CIITA: variants seen among roughly 807,000 people sequenced by gnomAD.
CIITA encodes MHC class II transactivator.
A neutral mutation model predicts 115.1 loss-of-function variants in CIITA; 72 were observed. That is an observed-to-expected ratio of 0.63 (90% CI 0.52 to 0.76). The LOEUF (loss-of-function observed/expected upper bound fraction) is 0.76, where lower values mean the gene tolerates loss of function less well. Ranked by LOEUF, CIITA falls within the 30% of genes least tolerant of loss-of-function variation. The pLI is 0.00. For missense variants in CIITA, 1,617 were observed against 1,463.8 expected (o/e 1.10, Z -1.71); for synonymous variants, 763 against 635.6 (o/e 1.20, Z -3.02).
intron 13 of CIITA, among the ~76,000 whole-genome samples, chr16:10,911,442 CT>C (rs1482571726): frequency 6.9e-6 from 1 of 145,962 alleles, no homozygotes; most frequent in African/African-American, 2.5e-5. Context: ...TTCTTTCCTT[CT>C]TTTCTTTCTT....
At chr16:10,868,565 A>T in intron 1 of CIITA, among the ~76,000 whole-genome samples, 1 of 151,976 alleles carries the variant, frequency 6.6e-6, no homozygotes, top group East Asian at 1.9e-4. Context: ...CCACCCAAAC[A>T]TTCTCCCTTG....
In CIITA at chr16:10,924,481, C is replaced by T. The variant is rs540145307; in HGVS notation, c.*626C>T. On this transcript the variant is annotated 3_prime_UTR_variant, in exon 20 of 20. Transcript: ENST00000324288. ...CTCTTGACCTCAGGTGATCCACCCA[C>T]CTCAGCCTCCCAAAGTGCTGGGATT... 2 of 152,384 alleles carry T rather than the reference C, an allele frequency of 1.3e-5. No individual in the cohort carries two copies. The highest frequency in any genetic ancestry group is 2.9e-5 in the Non-Finnish European group (2 of 68,182). 9.4% of individuals were successfully genotyped at this position (152,384 alleles called of 1,614,324 possible). A position where few individuals can be genotyped will look rare whatever the true frequency, so the allele number is the denominator to read the frequency against.
chr16:10,866,613 T>A, intron 1 of CIITA: 2 of 456,728 alleles, frequency 4.4e-6, no homozygotes, highest in Middle Eastern at 6.5e-4. Context: ...AATGACAGAC[T>A]GTAGACAGCT....
chr16:10,902,677 G>A lies in CIITA; in HGVS notation c.648G>A (p.Ser216=), dbSNP rs374843831. Residue 216 remains serine (S), a synonymous_variant, in exon 8 of 20, where the codon TCG becomes TCA. Transcript: ENST00000324288. ...TTGCAGTGCCTTTCTCCAGTTCCTC[G>A]TTGAGCTGCCTGAATCTCCCTGAGG... is the stretch of plus-strand genomic sequence containing the variant. ...DQIPMPFSSS[S]LSCLNLPEGP... 2.4e-5 allele frequency: 39 copies of A among 1,614,058 alleles called. No homozygotes were observed. In the African/African-American group the frequency reaches 3.3e-4, roughly 14 times the overall value.
intron 10 of CIITA, among the ~76,000 whole-genome samples, chr16:10,905,325 G>T (rs1459304729): frequency 6.6e-6 from 1 of 152,202 alleles, no homozygotes; most frequent in Non-Finnish European, 1.5e-5. Context: ...GCTCAGAATT[G>T]CTCCAGCAAG....
chr16:10,941,566 T>G lies in CIITA; in HGVS notation n.692T>G. On this transcript the variant is annotated non_coding_transcript_exon_variant, in exon 2 of 2. Transcript: ENST00000573379. The surrounding 1 kb of genome is among the most constrained non-coding windows in gnomAD (Gnocchi z 6.4). ...CCTCATCCTGTTCAGAGAGGGCACTTACAGGCCTCGGAGGCAGGGGAGGGT... is the reference window on the plus strand; with the variant it reads ...CCTCATCCTGTTCAGAGAGGGCACTGACAGGCCTCGGAGGCAGGGGAGGGT... The G allele has an allele frequency of 6.9e-7, 1 of 1,449,208 alleles. No homozygotes were observed. Among genetic ancestry groups the G allele is most frequent in the Non-Finnish European group, 9.1e-7 (1 of 1,099,502 alleles). The allele number at this position is 1,449,208 out of a possible 1,614,324, so 89.8% of individuals were successfully genotyped here. A position where few individuals can be genotyped will look rare whatever the true frequency, so the allele number is the denominator to read the frequency against.
downstream of CIITA, chr16:10,941,247 G>A (rs549353157): frequency 9.6e-4 from 151 of 157,734 alleles, 1 homozygote; most frequent in African/African-American, 3.4e-3. This position sits in a 1 kb window ranked among gnomAD's most constrained non-coding sequence, Gnocchi z 6.4. Flanking sequence ...ACTGGAGGAG[G>A]AGCTGACAGC....
Position 10,924,726 on chromosome 16 carries a change from C to G in CIITA, c.*871C>G, listed in dbSNP as rs1413856249. On this transcript the variant is annotated 3_prime_UTR_variant, in exon 20 of 20. Transcript: ENST00000324288. Reference sequence around the variant, plus strand: ...TTGTTGGCCAAAGCCAAAGCTAGGCCTGGCCAGATGCACCAGCCCTTAGCA... The same window carrying G: ...TTGTTGGCCAAAGCCAAAGCTAGGCGTGGCCAGATGCACCAGCCCTTAGCA... 2.6e-5 allele frequency: 4 copies of G among 152,392 alleles called. No homozygotes were observed. The East Asian group carries it at 7.7e-4, about 29-fold the overall frequency. 9.4% of individuals were successfully genotyped at this position (152,392 alleles called of 1,614,324 possible).
chr16:10,908,955 C>A, intron 11 of CIITA, 74 bp from the exon 12 acceptor site: 1 of 1,605,260 alleles, frequency 6.2e-7, no homozygotes, highest in Non-Finnish European at 8.5e-7. Flanking sequence ...GGTAGGAGGA[C>A]CCTTCATGGA....
chr16:10,902,651 C>G lies in CIITA; in HGVS notation c.629-7C>G. 6.2e-7 allele frequency: 1 copy of G among 1,614,252 alleles called. No homozygotes were observed. The highest frequency in any genetic ancestry group is 1.3e-5 in the African/African-American group (1 of 75,062). ...AGATCCCACCTCACTGCCTTTGTCT[C>G]TTGCAGTGCCTTTCTCCAGTTCCTC... is the stretch of plus-strand genomic sequence containing the variant. On this transcript the variant is annotated splice_polypyrimidine_tract_variant and splice_region_variant and intron_variant, in intron 7 of 19. Transcript: ENST00000324288.
intron 1 of CIITA, among the ~76,000 whole-genome samples, chr16:10,891,707 G>A (rs548259818): frequency 2.0e-5 from 3 of 152,326 alleles, no homozygotes; most frequent in South Asian, 2.1e-4. Context: ...ACTGCTCTGA[G>A]AGAACAGATT....
chr16:10,903,926 T>A, intron 9 of CIITA, 31 bp downstream of exon 9: 4 of 1,613,974 alleles, frequency 2.5e-6, no homozygotes, highest in Non-Finnish European at 3.4e-6. Context: ...TGAGAGGTAC[T>A]AGAAGCAGGA....
At chr16:10,900,046 A>G (rs778154913) in intron 5 of CIITA, among the ~76,000 whole-genome samples, 5 of 152,034 alleles carry the variant, frequency 3.3e-5, no homozygotes, top group Non-Finnish European at 5.9e-5. Context: ...ACGCCACTGC[A>G]CTCCAGCCTG....
At chr16:10,878,356 T>C (rs2036047765) in intron 1 of CIITA, among the ~76,000 whole-genome samples, 1 of 152,030 alleles carries the variant, frequency 6.6e-6, no homozygotes, top group Non-Finnish European at 1.5e-5. Flanking sequence ...GATGAGGAAA[T>C]TCAGGCCTGA....
rs191984268 is a variant in CIITA, at chr16:10,929,936, C to G, written c.*6081C>G. On this transcript the variant is annotated 3_prime_UTR_variant, in exon 20 of 20. Transcript: ENST00000324288. The surrounding 1 kb of genome is among the most constrained non-coding windows in gnomAD (Gnocchi z 4.3). ...TGCAGCTCTGGGCCAGCTGAGCCAGCGCTGGGTAGTGGGCAGGGCTTGGCA... is the reference window on the plus strand; with the variant it reads ...TGCAGCTCTGGGCCAGCTGAGCCAGGGCTGGGTAGTGGGCAGGGCTTGGCA... 5 of 152,256 alleles carry G rather than the reference C, an allele frequency of 3.3e-5. No individual in the cohort carries two copies. The highest frequency in any genetic ancestry group is 4.8e-5 in the African/African-American group (2 of 41,416). The allele number at this position is 152,256 out of a possible 1,614,324, so 9.4% of individuals were successfully genotyped here.
At position 10,907,743 on chromosome 16, in the gene CIITA, C is replaced by T; in HGVS notation, c.2251C>T (p.Leu751=). ...GAAGAAGAGGCCCTATGACAACTGG[C>T]TGGAGGGCGTGCCACGCTTTCTGGC... ...PRKKRPYDNW[L]EGVPRFLAGL... Residue 751 remains leucine, a synonymous_variant, in exon 11 of 20, where the codon CTG becomes TTG. Transcript: ENST00000324288. This position sits in a 1 kb window ranked among gnomAD's most constrained non-coding sequence, Gnocchi z 5.0. 1 of 1,614,242 alleles carries T rather than the reference C, an allele frequency of 6.2e-7. No individual in the cohort carries two copies. The highest frequency in any genetic ancestry group is 2.2e-5 in the East Asian group (1 of 44,886).
rs985901088 is a variant in CIITA at position 10,879,655 on chromosome 16, G to A, written c.52+2273G>A. Among the ~76,000 whole-genome samples the A allele has an allele frequency of 4.6e-5, 7 of 152,132 alleles. No individual in the cohort carries two copies. Among genetic ancestry groups the A allele is most frequent in the Non-Finnish European group, 1.0e-4 (7 of 68,008 alleles). On this transcript the variant is annotated intron_variant, in intron 1 of 19. Transcript: ENST00000324288. This position sits in a 1 kb window ranked among gnomAD's most constrained non-coding sequence, Gnocchi z 4.3. ...GGAGGGGTGGGGGAGGGATCCCCCC[G>A]GACTGAACCGATCTCTTGATCTCTC...
chr16:10,888,131 G>A (rs143689444), intron 1 of CIITA, among the ~76,000 whole-genome samples: 3 of 152,280 alleles, frequency 2.0e-5, no homozygotes, highest in Non-Finnish European at 4.4e-5. Context: ...CACGCATATT[G>A]TACTCACCAT....
intron 1 of CIITA, among the ~76,000 whole-genome samples, chr16:10,880,498 G>C (rs9924520): frequency 6.6e-6 from 1 of 151,922 alleles, no homozygotes; most frequent in Non-Finnish European, 1.5e-5. Flanking sequence ...TTTGCTTAAC[G>C]CCACATAGCA....
Sources: allele counts gnomAD v4.1 joint callset (sites outside exome capture counted in the v4.1 genomes callset), GRCh38; gene constraint gnomAD v4.1.1; non-coding constraint Gnocchi (gnomAD v3.1); transcripts MANE v1.5; gene names NCBI Gene and HGNC (gene_info 2026-07-23, HGNC 2026-07-21).